Variants in CATSPERT observed in about 807,000 individuals in gnomAD.
CATSPERT encodes the protein cation channel sperm-associated targeting subunit tau.
At chr2:201,491,179 C>G in the CATSPERT span, 5 of 1,528,002 alleles carry the variant, frequency 3.3e-6, no homozygotes, top group Non-Finnish European at 4.4e-6. Flanking sequence ...ATGTATAGTT[C>G]TTCTTGCAGT....
chr2:201,547,421 GATC>G, the CATSPERT span: 1 of 761,666 alleles, frequency 1.3e-6, no homozygotes, highest in South Asian at 2.0e-5. Flanking sequence ...CAAAAAATTT[GATC>G]ATCACTTTTA....
At chr2:201,611,907 T>C in the CATSPERT span, among the ~76,000 whole-genome samples, 1 of 152,202 alleles carries the variant, frequency 6.6e-6, no homozygotes, top group African/African-American at 2.4e-5. Flanking sequence ...CTCAAGAGTT[T>C]CAGGAGGCCA....
At chr2:201,531,176 G>T in the CATSPERT span, among the ~76,000 whole-genome samples, 2 of 151,864 alleles carry the variant, frequency 1.3e-5, no homozygotes, top group African/African-American at 4.8e-5. Flanking sequence ...AGCCAGGATG[G>T]TCTTGATCTC....
At chr2:201,510,267 A>C in the CATSPERT span, among the ~76,000 whole-genome samples, 1 of 144,834 alleles carries the variant, frequency 6.9e-6, no homozygotes, top group South Asian at 2.1e-4. Flanking sequence ...AACATGGTGT[A>C]ACCCTGTCTC....
At chr2:201,608,573 T>C in the CATSPERT span, among the ~76,000 whole-genome samples, 4 of 151,988 alleles carry the variant, frequency 2.6e-5, no homozygotes, top group South Asian at 2.1e-4. Flanking sequence ...TCCCAGCACT[T>C]TGGGAGGCCA....
chr2:201,533,218 T>C, the CATSPERT span, among the ~76,000 whole-genome samples: 1 of 152,198 alleles, frequency 6.6e-6, no homozygotes, highest in African/African-American at 2.4e-5. Flanking sequence ...AGGGATAGTT[T>C]AGAAAGAAAA....
the CATSPERT span, among the ~76,000 whole-genome samples, chr2:201,591,015 T>C: frequency 6.6e-6 from 1 of 152,232 alleles, no homozygotes; most frequent in Admixed American, 6.5e-5. Context: ...ATTTAGGCTT[T>C]TGTTGCCATT....
At chr2:201,556,922 A>G in the CATSPERT span, 1 of 152,054 alleles carries the variant, frequency 6.6e-6, no homozygotes, top group Non-Finnish European at 1.5e-5. Flanking sequence ...TCACCATTTC[A>G]CTTATCTTAA....
chr2:201,539,086 T>C, the CATSPERT span, among the ~76,000 whole-genome samples: 1 of 152,192 alleles, frequency 6.6e-6, no homozygotes, highest in Non-Finnish European at 1.5e-5. Flanking sequence ...TTTAGCTTGA[T>C]TCCATTTCTT....
chr2:201,492,895 T>A, the CATSPERT span: 1 of 1,536,674 alleles, frequency 6.5e-7, no homozygotes, highest in Non-Finnish European at 8.7e-7. Context: ...TAATTCAGAT[T>A]TTAAATGTTT....
chr2:201,604,723 G>T, the CATSPERT span: 1 of 1,525,098 alleles, frequency 6.6e-7, no homozygotes, highest in Non-Finnish European at 8.9e-7. Flanking sequence ...ATTAAGATTT[G>T]GGAAGAGAAA....
At chr2:201,579,146 T>C in the CATSPERT span, among the ~76,000 whole-genome samples, 3 of 152,214 alleles carry the variant, frequency 2.0e-5, no homozygotes, top group Non-Finnish European at 2.9e-5. Context: ...ATCAGTATTA[T>C]ACCCAAGAAA....
chr2:201,525,053 T>C, the CATSPERT span, among the ~76,000 whole-genome samples: 1 of 152,056 alleles, frequency 6.6e-6, no homozygotes, highest in Non-Finnish European at 1.5e-5. Flanking sequence ...TATTAGCTCA[T>C]TGAGGCAGAA....
chr2:201,541,580 A>T, the CATSPERT span, among the ~76,000 whole-genome samples: 1 of 115,140 alleles, frequency 8.7e-6, no homozygotes, highest in African/African-American at 3.4e-5. Context: ...TATATATATA[A>T]AATTTACAAA....
the CATSPERT span, among the ~76,000 whole-genome samples, chr2:201,568,867 C>T: frequency 1.3e-5 from 2 of 152,126 alleles, no homozygotes. Context: ...ATATCTATTC[C>T]AATTATGCAT....
At chr2:201,491,672 C>A in the CATSPERT span, 17 of 1,537,094 alleles carry the variant, frequency 1.1e-5, no homozygotes, top group Non-Finnish European at 1.4e-5. Context: ...GGCATTCTGG[C>A]ATTAGGAATT....
At chr2:201,613,379 C>T in the CATSPERT span, among the ~76,000 whole-genome samples, 4 of 152,206 alleles carry the variant, frequency 2.6e-5, no homozygotes, top group Non-Finnish European at 5.9e-5. Flanking sequence ...CAGACAGTAA[C>T]ATTTGCTGTT....
chr2:201,563,502 C>T, the CATSPERT span, among the ~76,000 whole-genome samples: 1 of 149,806 alleles, frequency 6.7e-6, no homozygotes, highest in Admixed American at 6.6e-5. Context: ...GGGCGGCTGG[C>T]CGGGCAGAGG....
chr2:201,616,556 C>G, the CATSPERT span, among the ~76,000 whole-genome samples: 1 of 152,214 alleles, frequency 6.6e-6, no homozygotes, highest in East Asian at 1.9e-4. Flanking sequence ...TGGGACGTAT[C>G]TCAAAATAAT....
Sources: gnomAD v4.1 joint callset for allele counts (sites outside exome capture counted in the v4.1 genomes callset) on GRCh38, gnomAD v4.1.1 for gene constraint, MANE v1.5 for transcripts, NCBI Gene and HGNC (gene_info 2026-07-23, HGNC 2026-07-21) for gene names.